Variants in LPP observed in about 807,000 individuals in gnomAD.
LPP encodes LIM domain containing preferred translocation partner in lipoma.
In LPP, 38 loss-of-function variants were observed where a neutral mutation model predicts 60.4. The observed-to-expected ratio is 0.63, with a 90% CI of 0.49 to 0.83. The LOEUF (loss-of-function observed/expected upper bound fraction) is 0.83. Among genes scored for constraint, LPP ranks in the 40% least tolerant of loss-of-function variants. The pLI, the probability that LPP is intolerant of heterozygous loss-of-function variation, is 0.00. For missense variants in LPP, 902 were observed against 783.6 expected, an observed-to-expected ratio of 1.15 and a Z score of -1.80; for synonymous variants, 328 against 290.8, an observed-to-expected ratio of 1.13 and a Z score of -1.30.
intron 7 of LPP, among the ~76,000 whole-genome samples, chr3:188,677,451 C>T (rs1488605659): frequency 3.3e-5 from 5 of 152,142 alleles, no homozygotes; most frequent in Non-Finnish European, 7.4e-5. Flanking sequence ...TCTGGTATCT[C>T]TTCAGGAGAG....
intron 1 of LPP, among the ~76,000 whole-genome samples, chr3:188,196,533 CT>C (rs913374730): frequency 3.5e-4 from 54 of 152,220 alleles, no homozygotes; most frequent in Admixed American, 3.3e-3. Context: ...CTCAGCATCT[CT>C]CTCCTGGAGT....
At chr3:188,379,319 A>G (rs1395998317) in intron 3 of LPP, among the ~76,000 whole-genome samples, 9 of 152,178 alleles carry the variant, frequency 5.9e-5, no homozygotes, top group Admixed American at 3.9e-4. Context: ...TTTAACCCTG[A>G]TAGGGTGGGG....
chr3:188,636,632 T>G (rs1057191120), intron 7 of LPP, among the ~76,000 whole-genome samples: 2 of 152,148 alleles, frequency 1.3e-5, no homozygotes, highest in Admixed American at 1.3e-4. Context: ...AAGACAGCAG[T>G]AACCTCTGCA....
chr3:188,493,681 A>T (rs953610306), intron 5 of LPP, among the ~76,000 whole-genome samples: 1 of 152,146 alleles, frequency 6.6e-6, no homozygotes, highest in Middle Eastern at 3.4e-3. Context: ...GGCCTCAAGC[A>T]GTTCTCCTGT....
chr3:188,679,592 A>G (rs953726273), intron 7 of LPP, among the ~76,000 whole-genome samples: 1 of 151,104 alleles, frequency 6.6e-6, no homozygotes, highest in Non-Finnish European at 1.5e-5. Flanking sequence ...TGCTGTTGAA[A>G]ATATTTGACC....
intron 4 of LPP, among the ~76,000 whole-genome samples, chr3:188,454,099 G>C (rs1247096769): frequency 6.6e-6 from 1 of 152,220 alleles, no homozygotes; most frequent in Non-Finnish European, 1.5e-5. Flanking sequence ...TGCAAGGCAG[G>C]TACAGTTACT....
At chr3:188,488,502 A>G (rs1412349796) in intron 5 of LPP, among the ~76,000 whole-genome samples, 3 of 152,144 alleles carry the variant, frequency 2.0e-5, no homozygotes, top group African/African-American at 7.2e-5. Flanking sequence ...TTTGTTCTTC[A>G]TTCATTCAGT....
chr3:188,682,504 C>T (rs1159812361), intron 7 of LPP, among the ~76,000 whole-genome samples: 1 of 152,172 alleles, frequency 6.6e-6, no homozygotes, highest in East Asian at 1.9e-4. Flanking sequence ...AGGGCTGTGT[C>T]TTGGTCAGGC....
intron 8 of LPP, among the ~76,000 whole-genome samples, chr3:188,758,317 C>A (rs1001599196): frequency 1.3e-5 from 2 of 152,030 alleles, no homozygotes; most frequent in South Asian, 4.2e-4. Context: ...CACACCACCA[C>A]GCCCAGCTAT....
chr3:188,239,047 C>A (rs1269614774), intron 2 of LPP, among the ~76,000 whole-genome samples: 2 of 152,148 alleles, frequency 1.3e-5, no homozygotes, highest in African/African-American at 4.8e-5. Flanking sequence ...AATGACAAAA[C>A]ATATTTCTGT....
chr3:188,225,126 G>A (rs1481030996), intron 1 of LPP, among the ~76,000 whole-genome samples: 1 of 152,042 alleles, frequency 6.6e-6, no homozygotes, highest in African/African-American at 2.4e-5. Context: ...CCTACAATTT[G>A]AGTATCTAAC....
intron 7 of LPP, among the ~76,000 whole-genome samples, chr3:188,616,424 T>C (rs1844856013): frequency 6.6e-6 from 1 of 152,198 alleles, no homozygotes; most frequent in East Asian, 1.9e-4. Context: ...CTGAGGTCTC[T>C]GTTCTGTTTC....
intron 7 of LPP, among the ~76,000 whole-genome samples, chr3:188,678,959 T>G (rs1858778564): frequency 6.6e-6 from 1 of 152,216 alleles, no homozygotes; most frequent in African/African-American, 2.4e-5. Context: ...CTTTATAGAC[T>G]GGTTGAGTGG....
chr3:188,697,301 A>G (rs1863465375), intron 7 of LPP, among the ~76,000 whole-genome samples: 1 of 152,190 alleles, frequency 6.6e-6, no homozygotes, highest in African/African-American at 2.4e-5. Flanking sequence ...GGAGTTAACC[A>G]TTTGTTTGCT....
chr3:188,767,527 A>G (rs939294750), intron 9 of LPP, among the ~76,000 whole-genome samples: 2 of 152,204 alleles, frequency 1.3e-5, no homozygotes, highest in Non-Finnish European at 2.9e-5. Flanking sequence ...AATTTAATCC[A>G]CATACACTGA....
At chr3:188,606,625 T>A (rs558263367) in intron 6 of LPP, among the ~76,000 whole-genome samples, 1 of 152,074 alleles carries the variant, frequency 6.6e-6, no homozygotes, top group African/African-American at 2.4e-5. Flanking sequence ...AATAGAAACA[T>A]AGTTTCCTCA....
chr3:188,282,053 C>T (rs746007750), intron 2 of LPP, among the ~76,000 whole-genome samples: 4 of 151,838 alleles, frequency 2.6e-5, no homozygotes, highest in Non-Finnish European at 5.9e-5. Context: ...CCTTCTCCTC[C>T]CCTCCTCTCT....
At chr3:188,276,695 TTCTCTCTCTCTCTCTCTCTC>T (rs768545804) in intron 2 of LPP, among the ~76,000 whole-genome samples, 1 of 16,404 alleles carries the variant, frequency 6.1e-5, no homozygotes, top group Non-Finnish European at 1.3e-4. Flanking sequence ...CTCTCTCTCT[TTCTCTCTCTCTCTCTCTCTC>T]TCTCTCTCTG....
chr3:188,296,883 A>G (rs565332082), intron 2 of LPP, among the ~76,000 whole-genome samples: 2 of 152,328 alleles, frequency 1.3e-5, no homozygotes, highest in South Asian at 4.1e-4. Context: ...TTTCTTCTCC[A>G]AACTCAATAA....
Sources: gnomAD v4.1 joint callset for allele counts (sites outside exome capture counted in the v4.1 genomes callset) on GRCh38, gnomAD v4.1.1 for gene constraint, MANE v1.5 for transcripts, NCBI Gene and HGNC (gene_info 2026-07-23, HGNC 2026-07-21) for gene names.